The following ATP11A variants were observed in gnomAD, a reference collection of about 807,000 sequenced individuals.
The protein encoded by ATP11A is ATPase phospholipid transporting 11A.
A neutral mutation model predicts 154.4 loss-of-function variants in ATP11A; 81 were observed. The observed-to-expected ratio is 0.52, with a 90% CI of 0.44 to 0.63. The LOEUF (loss-of-function observed/expected upper bound fraction) is 0.63, where lower values mean the gene tolerates loss of function less well. Among genes scored for constraint, ATP11A ranks in the 30% least tolerant of loss-of-function variants. The pLI, the probability that ATP11A is intolerant of heterozygous loss-of-function variation, is 0.00. For missense variants in ATP11A, 1,316 were observed against 1,474.3 expected (o/e 0.89, Z 1.76); for synonymous variants, 623 against 585.9 (o/e 1.06, Z -0.91).
At chr13:112,823,551 A>G in intron 9 of ATP11A, 142 bp downstream of exon 9, 4 of 632,210 alleles carry the variant, frequency 6.3e-6, no homozygotes, top group Non-Finnish European at 1.1e-5. Flanking sequence ...GTTCTGCCCC[A>G]CTGAGATTTG....
Position 112,883,407 on chromosome 13 carries a change from A to C in ATP11A, c.*1541A>C, listed in dbSNP as rs1327178138. The C allele has an allele frequency of 2.6e-6, 1 of 380,996 alleles. No homozygotes were observed. Among genetic ancestry groups the C allele is most frequent in the Non-Finnish European group, 4.6e-6 (1 of 215,394 alleles). The allele number at this position is 380,996 out of a possible 1,614,324, so 23.6% of individuals were successfully genotyped here. A position where few individuals can be genotyped will look rare whatever the true frequency, so the allele number is the denominator to read the frequency against. On this transcript the variant is annotated 3_prime_UTR_variant, in exon 30 of 30. Transcript: ENST00000375645. ...GCTGCCTTTCAGGAAAGCACCACCAACGCTGGAGGAGGAGCCGGCCCTCAC... is the reference window on the plus strand; with the variant it reads ...GCTGCCTTTCAGGAAAGCACCACCACCGCTGGAGGAGGAGCCGGCCCTCAC...
intron 1 of ATP11A, among the ~76,000 whole-genome samples, chr13:112,708,294 A>G (rs566562634): frequency 6.6e-6 from 1 of 152,324 alleles, no homozygotes; most frequent in African/African-American, 2.4e-5. Flanking sequence ...GTTGATTGTA[A>G]TGGTTACTAT....
chr13:112,853,059 A>T (rs373644060), intron 18 of ATP11A, among the ~76,000 whole-genome samples: 11 of 151,622 alleles, frequency 7.3e-5, no homozygotes, highest in East Asian at 3.9e-4. Flanking sequence ...CATCTCTTGA[A>T]TTTTTTTTTA....
chr13:112,883,384 T>C lies in ATP11A; in HGVS notation c.*1518T>C, dbSNP rs746929696. On this transcript the variant is annotated 3_prime_UTR_variant, in exon 30 of 30. Transcript: ENST00000375645. ...TTCAGACTTCAGACGCTGAAACTGCTGCCTTTCAGGAAAGCACCACCAACG... is the reference window on the plus strand; with the variant it reads ...TTCAGACTTCAGACGCTGAAACTGCCGCCTTTCAGGAAAGCACCACCAACG... 1 of 392,402 alleles carries C rather than the reference T, an allele frequency of 2.5e-6. No individual in the cohort carries two copies. Among genetic ancestry groups the C allele is most frequent in the Non-Finnish European group, 4.5e-6 (1 of 222,610 alleles). 24.3% of individuals were successfully genotyped at this position (392,402 alleles called of 1,614,324 possible).
At position 112,853,246 on chromosome 13, in the gene ATP11A, CTA is replaced by C. The variant is rs752728056; in HGVS notation, c.1992-1019_1992-1018del. On this transcript the variant is annotated intron_variant, in intron 18 of 29. Coordinates refer to ENST00000375645, the MANE Select transcript of ATP11A (RefSeq NM_015205.3). ...TCTTGCTCGCTCTCTTTCTCTCTCTCTATATATATATATATGCACACACACAT... is the reference window on the plus strand; with the variant it reads ...TCTTGCTCGCTCTCTTTCTCTCTCTCTATATATATATATGCACACACACAT... 9.1e-4 allele frequency among the ~76,000 whole-genome samples: 132 copies of C among 145,258 alleles called. 1 individual carries two copies. In the South Asian group the frequency reaches 0.026, roughly 29 times the overall value.
intron 29 of ATP11A, chr13:112,880,876 CCA>C (rs1322023735): frequency 1.9e-6 from 2 of 1,026,266 alleles, no homozygotes; most frequent in African/African-American, 1.7e-5. Context: ...CACACTCACC[CCA>C]CACGCACGGC....
chr13:112,821,763 C>T (rs1057253781), intron 8 of ATP11A, among the ~76,000 whole-genome samples: 2 of 152,224 alleles, frequency 1.3e-5, no homozygotes, highest in Non-Finnish European at 2.9e-5. Flanking sequence ...TCTGTCCTAA[C>T]TAGAAGCAAA....
chr13:112,785,413 G>A lies in ATP11A; in HGVS notation c.162+156G>A, dbSNP rs183780414. On this transcript the variant is annotated intron_variant, in intron 2 of 29. Coordinates refer to ENST00000375645, the MANE Select transcript of ATP11A (RefSeq NM_015205.3). This position sits in a 1 kb window ranked among gnomAD's most constrained non-coding sequence, Gnocchi z 4.8. ...AAGGGCTTCGGATCAGGACCTCACC[G>A]AGGGCGCTACTCTCTCCCTCTCGGT... Among the ~76,000 whole-genome samples, 9 of 151,936 alleles carry A rather than the reference G, an allele frequency of 5.9e-5. No homozygotes were observed. The highest frequency in any genetic ancestry group is 4.2e-4 in the South Asian group (2 of 4,778).
intron 29 of ATP11A, chr13:112,881,007 T>TTA: frequency 1.0e-6 from 1 of 990,416 alleles, no homozygotes; most frequent in Non-Finnish European, 1.2e-6. Flanking sequence ...TCAAACGTGG[T>TTA]TATTGCATGG....
At chr13:112,805,952 G>A (rs757564653) in intron 3 of ATP11A, among the ~76,000 whole-genome samples, 11 of 151,416 alleles carry the variant, frequency 7.3e-5, no homozygotes, top group East Asian at 1.9e-4. Flanking sequence ...AATACAAGGC[G>A]TGCCCCGACT....
In ATP11A at chr13:112,882,972, A is replaced by G. The variant is rs562263238; in HGVS notation, c.*1106A>G. On this transcript the variant is annotated 3_prime_UTR_variant, in exon 30 of 30. Coordinates refer to ENST00000375645, the MANE Select transcript of ATP11A (RefSeq NM_015205.3). This position sits in a 1 kb window ranked among gnomAD's most constrained non-coding sequence, Gnocchi z 5.1. ...CACCTCTGCCCGCCTCCCGCACTGC[A>G]GCTCCGCCCGCCGGGCTCTGCGTCC... 7.5e-6 allele frequency: 3 copies of G among 398,970 alleles called. No homozygotes were observed. The highest frequency in any genetic ancestry group is 8.8e-6 in the Non-Finnish European group (2 of 226,420). The allele number at this position is 398,970 out of a possible 1,614,324, so 24.7% of individuals were successfully genotyped here. A position where few individuals can be genotyped will look rare whatever the true frequency, so the allele number is the denominator to read the frequency against.
intron 17 of ATP11A, among the ~76,000 whole-genome samples, chr13:112,847,106 G>A (rs2079631756): frequency 6.6e-6 from 1 of 152,196 alleles, no homozygotes; most frequent in Non-Finnish European, 1.5e-5. Flanking sequence ...ACTGGCTCCG[G>A]CTACGTTCCC....
chr13:112,735,335 T>TGGCA (rs1356944645), intron 1 of ATP11A, among the ~76,000 whole-genome samples: 2 of 152,222 alleles, frequency 1.3e-5, no homozygotes, highest in Admixed American at 1.3e-4. Context: ...GGGCATTGCA[T>TGGCA]GGCAGCCCAG....
In ATP11A at chr13:112,857,933, C is replaced by T; in HGVS notation, c.2521+13C>T. The T allele has an allele frequency of 6.2e-7, 1 of 1,613,458 alleles. No homozygotes were observed. Among genetic ancestry groups the T allele is most frequent in the African/African-American group, 1.3e-5 (1 of 75,044 alleles). ...CACGTGGGCATAGGTGAGCTTCGTC[C>T]TTGCTGCTGGCACATCCTGGTGGCC... On this transcript the variant is annotated intron_variant, in intron 21 of 29. Transcript: ENST00000375645.
chr13:112,832,630 C>T (rs1321704219), intron 13 of ATP11A, among the ~76,000 whole-genome samples: 3 of 152,208 alleles, frequency 2.0e-5, no homozygotes, highest in Non-Finnish European at 2.9e-5. Flanking sequence ...GCTGAACGCA[C>T]GCCCGTTTAG....
chr13:112,828,792 G>T (rs1305966199), intron 12 of ATP11A, among the ~76,000 whole-genome samples: 1 of 152,222 alleles, frequency 6.6e-6, no homozygotes, highest in Non-Finnish European at 1.5e-5. Flanking sequence ...GACACACTGA[G>T]GTCAAGACGG....
intron 1 of ATP11A, among the ~76,000 whole-genome samples, chr13:112,774,185 C>G (rs1369805359): frequency 6.6e-6 from 1 of 152,184 alleles, no homozygotes; most frequent in East Asian, 1.9e-4. Context: ...CATTTTTTAA[C>G]AGAACTTTTA....
intron 24 of ATP11A, among the ~76,000 whole-genome samples, chr13:112,861,139 A>G (rs1450084187): frequency 6.6e-6 from 1 of 152,078 alleles, no homozygotes; most frequent in Non-Finnish European, 1.5e-5. Flanking sequence ...AAACCATCAG[A>G]TATCGTGAGA....
intron 1 of ATP11A, among the ~76,000 whole-genome samples, chr13:112,736,559 T>A (rs930294858): frequency 6.6e-6 from 1 of 152,190 alleles, no homozygotes; most frequent in Non-Finnish European, 1.5e-5. Context: ...AGAAGAGAGC[T>A]GCTGATGAGA....
Sources: allele counts gnomAD v4.1 joint callset (sites outside exome capture counted in the v4.1 genomes callset), GRCh38; gene constraint gnomAD v4.1.1; non-coding constraint Gnocchi (gnomAD v3.1); transcripts MANE v1.5; gene names NCBI Gene and HGNC (gene_info 2026-07-23, HGNC 2026-07-21).